Variants in PTMS observed in about 807,000 individuals in gnomAD.
PTMS encodes the protein parathymosin.
Under a neutral mutation model 18.4 loss-of-function variants are expected in PTMS, and 5 were observed. The ratio of observed to expected loss-of-function variants is 0.27; its 90% CI spans 0.14 to 0.57. PTMS has a LOEUF of 0.57. Ranked by LOEUF, PTMS falls within the 20% of genes least tolerant of loss-of-function variation. The pLI is 0.92. For synonymous variants in PTMS, 53 were observed against 47.7 expected, an observed-to-expected ratio of 1.11 and a Z score of -0.46; for missense variants, 93 against 124.6, an observed-to-expected ratio of 0.75 and a Z score of 1.21.
At chr12:6,767,967 C>T (rs1941794822) in intron 1 of PTMS, among the ~76,000 whole-genome samples, 1 of 152,314 alleles carries the variant, frequency 6.6e-6, no homozygotes, top group Middle Eastern at 3.4e-3. Flanking sequence ...CCATGTGTCT[C>T]CCATCGCGTG....
Position 6,767,000 on chromosome 12 carries a change from C to T in PTMS, c.45+250C>T, listed in dbSNP as rs1237580197. 10 of 162,006 alleles carry T rather than the reference C, an allele frequency of 6.2e-5. No individual in the cohort carries two copies. In the South Asian group the frequency reaches 8.1e-4, roughly 13 times the overall value. 10.0% of individuals were successfully genotyped at this position (162,006 alleles called of 1,614,324 possible). A position where few individuals can be genotyped will look rare whatever the true frequency, so the allele number is the denominator to read the frequency against. On this transcript the variant is annotated intron_variant, in intron 1 of 4. Transcript: ENST00000309083. ...TCGCCGCTCCGGTCGCGCCGTCCCC[C>T]GCAGCCGTCCCCACCCCTCTTCGGC...
chr12:6,769,124 G>A (rs1941806101), intron 1 of PTMS: 2 of 206,910 alleles, frequency 9.7e-6, no homozygotes, highest in Non-Finnish European at 1.9e-5. Flanking sequence ...GAAGCTGAAG[G>A]GGAAGCTGGG....
chr12:6,766,401 G>C lies in PTMS; in HGVS notation c.-305G>C, dbSNP rs907610857. Reference sequence around the variant, plus strand: ...CGGCAGCTCTGCTGGTGCGGGGGCGGCGAGCCCGGGATCGAGCTACCGCGG... The same window carrying C: ...CGGCAGCTCTGCTGGTGCGGGGGCGCCGAGCCCGGGATCGAGCTACCGCGG... On this transcript the variant is annotated 5_prime_UTR_variant, in exon 1 of 5. Coordinates refer to ENST00000309083, the MANE Select transcript of PTMS (RefSeq NM_002824.6). The C allele has an allele frequency of 6.3e-6, 1 of 159,978 alleles. No homozygotes were observed. The highest frequency in any genetic ancestry group is 1.4e-5 in the Non-Finnish European group (1 of 73,460). The allele number at this position is 159,978 out of a possible 1,614,324, so 9.9% of individuals were successfully genotyped here.
intron 1 of PTMS, among the ~76,000 whole-genome samples, chr12:6,768,265 G>A (rs536433634): frequency 6.6e-6 from 1 of 152,344 alleles, no homozygotes; most frequent in African/African-American, 2.4e-5. Context: ...GGCCCCCAGA[G>A]AGAAGCTGAC....
rs760425729 is a variant in PTMS, at chr12:6,770,729, T to G, written c.*287T>G. Reference sequence around the variant, plus strand: ...TCTCTTTCTCCCTCCCCTACCAGCCTCATTCTTCCTCCGGTAGCCTCTCCC... The same window carrying G: ...TCTCTTTCTCCCTCCCCTACCAGCCGCATTCTTCCTCCGGTAGCCTCTCCC... On this transcript the variant is annotated 3_prime_UTR_variant, in exon 5 of 5. Coordinates refer to ENST00000309083, the MANE Select transcript of PTMS (RefSeq NM_002824.6). The surrounding 1 kb of genome is among the most constrained non-coding windows in gnomAD (Gnocchi z 7.3). The G allele has an allele frequency of 1.4e-5, 7 of 516,790 alleles. No individual in the cohort carries two copies. Among genetic ancestry groups the G allele is most frequent in the Non-Finnish European group, 2.5e-5 (7 of 283,850 alleles). The allele number at this position is 516,790 out of a possible 1,614,324, so 32.0% of individuals were successfully genotyped here. A position where few individuals can be genotyped will look rare whatever the true frequency, so the allele number is the denominator to read the frequency against.
At position 6,770,249 on chromosome 12, in the gene PTMS, T is replaced by A. The variant is rs768128651; in HGVS notation, c.258+31T>A. ...GGCTGGGTTGCTGGGCCTGAGGGGC[T>A]GTCAGGGATGCAGCCGGGCTGGGCG... On this transcript the variant is annotated intron_variant, in intron 4 of 4. Coordinates refer to ENST00000309083, the MANE Select transcript of PTMS (RefSeq NM_002824.6). The surrounding 1 kb of genome is among the most constrained non-coding windows in gnomAD (Gnocchi z 7.3). The A allele has an allele frequency of 6.2e-7, 1 of 1,613,484 alleles. No individual in the cohort carries two copies. The highest frequency in any genetic ancestry group is 1.1e-5 in the South Asian group (1 of 91,058).
At position 6,770,291 on chromosome 12, in the gene PTMS, C is replaced by CCACA; in HGVS notation, c.258+75_258+76insCACA. 1 of 1,610,206 alleles carries CCACA rather than the reference C, an allele frequency of 6.2e-7. No homozygotes were observed. Among genetic ancestry groups the CCACA allele is most frequent in the Non-Finnish European group, 8.5e-7 (1 of 1,176,512 alleles). ...GGCTGGGCGCCCTTTGGATTTGGAC[C>CCACA]CAGATCCCTGTGTGGCAGGGGTGGG... On this transcript the variant is annotated intron_variant, in intron 4 of 4. Transcript: ENST00000309083. The surrounding 1 kb of genome is among the most constrained non-coding windows in gnomAD (Gnocchi z 7.3).
At chr12:6,769,565 A>T (rs1223240426) in intron 1 of PTMS, 38 bp from the exon 2 acceptor site, 2 of 1,610,876 alleles carry the variant, frequency 1.2e-6, no homozygotes, top group Non-Finnish European at 1.7e-6. Context: ...GCTGCAAGCC[A>T]TTTGTGGTGA....
rs2137801488 is a variant in PTMS, at chr12:6,770,374, T to C, written c.259-18T>C. ...CCCCTCCCATTTTACAGCTCCCCCA[T>C]TCTCTCCCTCTCCACAGGATGAAGC... On this transcript the variant is annotated intron_variant, in intron 4 of 4. Transcript: ENST00000309083. The surrounding 1 kb of genome is among the most constrained non-coding windows in gnomAD (Gnocchi z 7.3). 6.2e-7 allele frequency: 1 copy of C among 1,613,628 alleles called. No individual in the cohort carries two copies. The highest frequency in any genetic ancestry group is 8.5e-7 in the Non-Finnish European group (1 of 1,179,770).
intron 1 of PTMS, among the ~76,000 whole-genome samples, chr12:6,768,242 CTT>C (rs1565479432): frequency 6.6e-6 from 1 of 152,220 alleles, no homozygotes; most frequent in Non-Finnish European, 1.5e-5. Context: ...GCCATACAGA[CTT>C]TTGGTGCTGG....
chr12:6,766,440 C>T lies in PTMS; in HGVS notation c.-266C>T, dbSNP rs1007840438. On this transcript the variant is annotated 5_prime_UTR_variant, in exon 1 of 5. Transcript: ENST00000309083. ...GAGCTACCGCGGCCGAGCGCGCCGGCCACCGCCTGCACCGCCCTTCCGCCC... is the reference window on the plus strand; with the variant it reads ...GAGCTACCGCGGCCGAGCGCGCCGGTCACCGCCTGCACCGCCCTTCCGCCC... The T allele has an allele frequency of 6.5e-5, 12 of 185,858 alleles. No individual in the cohort carries two copies. In the South Asian group the frequency reaches 1.3e-3, roughly 21 times the overall value. 11.5% of individuals were successfully genotyped at this position (185,858 alleles called of 1,614,324 possible). A position where few individuals can be genotyped will look rare whatever the true frequency, so the allele number is the denominator to read the frequency against.
At chr12:6,769,747 C>T in intron 2 of PTMS, 73 bp downstream of exon 2, 1 of 1,603,904 alleles carries the variant, frequency 6.2e-7, no homozygotes, top group Non-Finnish European at 8.5e-7. Context: ...CCTTCCTCTG[C>T]TTTCCTTCCG....
At chr12:6,766,916 C>T (rs1941773194) in intron 1 of PTMS, among the ~76,000 whole-genome samples, 166 bp downstream of exon 1, 1 of 151,224 alleles carries the variant, frequency 6.6e-6, no homozygotes, top group African/African-American at 2.4e-5. Flanking sequence ...CCTTTCCCGG[C>T]TCCGCGCGGC....
rs1412442061 is a variant in PTMS, at chr12:6,766,590, G to A, written c.-116G>A. 2 of 518,444 alleles carry A rather than the reference G, an allele frequency of 3.9e-6. No homozygotes were observed. The highest frequency in any genetic ancestry group is 5.3e-6 in the Non-Finnish European group (2 of 379,098). 32.1% of individuals were successfully genotyped at this position (518,444 alleles called of 1,614,324 possible). On this transcript the variant is annotated 5_prime_UTR_variant, in exon 1 of 5. Coordinates refer to ENST00000309083, the MANE Select transcript of PTMS (RefSeq NM_002824.6). ...AGCGGCCGCCGCTGCCGCTGTCGCC[G>A]CCGCCGCCGCCACCGCGCCAGGTTC...
chr12:6,770,121 C>T lies in PTMS; in HGVS notation c.197-36C>T, dbSNP rs777457354. The T allele has an allele frequency of 1.9e-6, 3 of 1,613,474 alleles. No individual in the cohort carries two copies. The African/African-American group carries it at 4.0e-5, about 22-fold the overall frequency. Reference sequence around the variant, plus strand: ...ACCACGGGGGCTCTGCCAGAGCTTCCTGCCCTTCCCCAATGACCCATTTCT... The same window carrying T: ...ACCACGGGGGCTCTGCCAGAGCTTCTTGCCCTTCCCCAATGACCCATTTCT... On this transcript the variant is annotated intron_variant, in intron 3 of 4. Coordinates refer to ENST00000309083, the MANE Select transcript of PTMS (RefSeq NM_002824.6). The surrounding 1 kb of genome is among the most constrained non-coding windows in gnomAD (Gnocchi z 7.3).
chr12:6,770,031 A>G lies in PTMS; in HGVS notation c.196+32A>G. ...AGGGGCAGGGGAGGCTGGGCTGGCA[A>G]AGTCTGGGCTCAAAGGAGAGCAGAG... is the stretch of plus-strand genomic sequence containing the variant. On this transcript the variant is annotated intron_variant, in intron 3 of 4. Transcript: ENST00000309083. This position sits in a 1 kb window ranked among gnomAD's most constrained non-coding sequence, Gnocchi z 7.3. The G allele has an allele frequency of 6.4e-7, 1 of 1,567,662 alleles. No individual in the cohort carries two copies. Among genetic ancestry groups the G allele is most frequent in the Non-Finnish European group, 8.6e-7 (1 of 1,156,708 alleles).
Position 6,769,908 on chromosome 12 carries a change from CT to C in PTMS, c.118-12del. 6.4e-7 allele frequency: 1 copy of C among 1,564,208 alleles called. No individual in the cohort carries two copies. Among genetic ancestry groups the C allele is most frequent in the Non-Finnish European group, 8.7e-7 (1 of 1,153,984 alleles). On this transcript the variant is annotated splice_polypyrimidine_tract_variant and intron_variant, in intron 2 of 4. Transcript: ENST00000309083. ...AGCCAGCCTGAGGCTACTCCCTCTCCTGGTCCCCACAGGAGGAGGAGAACGG... is the reference window on the plus strand; with the variant it reads ...AGCCAGCCTGAGGCTACTCCCTCTCCGGTCCCCACAGGAGGAGGAGAACGG...
intron 1 of PTMS, chr12:6,767,229 C>A (rs1941778507): frequency 6.6e-6 from 1 of 152,084 alleles, no homozygotes; most frequent in Non-Finnish European, 1.5e-5. Context: ...GCGGCCCGAC[C>A]GTCGCTCGCT....
chr12:6,769,466 A>G, intron 1 of PTMS, 137 bp from the exon 2 acceptor site: 1 of 935,136 alleles, frequency 1.1e-6, no homozygotes, highest in South Asian at 1.3e-5. Flanking sequence ...TAGGGCCCCT[A>G]TTCTGTCTCT....
Sources: allele counts gnomAD v4.1 joint callset (sites outside exome capture counted in the v4.1 genomes callset), GRCh38; gene constraint gnomAD v4.1.1; non-coding constraint Gnocchi (gnomAD v3.1); transcripts MANE v1.5; gene names NCBI Gene and HGNC (gene_info 2026-07-23, HGNC 2026-07-21).